Variants in GALNT7 observed in about 807,000 individuals in gnomAD.
GALNT7 encodes the protein polypeptide N-acetylgalactosaminyltransferase 7, also known as N-acetylgalactosaminyltransferase 7.
Under a neutral mutation model 82.1 loss-of-function variants are expected in GALNT7, and 60 were observed. The observed-to-expected ratio is 0.73, with a 90% CI of 0.59 to 0.91. The LOEUF (loss-of-function observed/expected upper bound fraction) is 0.91, where lower values mean the gene tolerates loss of function less well. Among genes scored for constraint, GALNT7 ranks in the 40% least tolerant of loss-of-function variants. The pLI, the probability that GALNT7 is intolerant of heterozygous loss-of-function variation, is 0.00. For synonymous variants in GALNT7, 243 were observed against 275.1 expected (o/e 0.88, Z 1.15); for missense variants, 660 against 804.2 (o/e 0.82, Z 2.17).
chr4:173,173,899 C>T (rs1393887425), intron 1 of GALNT7, among the ~76,000 whole-genome samples: 1 of 152,168 alleles, frequency 6.6e-6, no homozygotes, highest in African/African-American at 2.4e-5. Context: ...AGTGGCTGAA[C>T]TGATTACCCT....
intron 1 of GALNT7, among the ~76,000 whole-genome samples, chr4:173,245,031 A>T (rs999278677): frequency 2.0e-5 from 3 of 152,112 alleles, no homozygotes; most frequent in African/African-American, 7.2e-5. Context: ...GTTGCCTGTA[A>T]GGTTTTGAGT....
At chr4:173,274,532 A>G (rs1735832737) in intron 2 of GALNT7, among the ~76,000 whole-genome samples, 1 of 152,198 alleles carries the variant, frequency 6.6e-6, no homozygotes, top group African/African-American at 2.4e-5. Flanking sequence ...TGCTGCTGTC[A>G]CTAACTGTGT....
intron 8 of GALNT7, among the ~76,000 whole-genome samples, chr4:173,306,043 A>G (rs532542285): frequency 6.6e-6 from 1 of 152,144 alleles, no homozygotes; most frequent in Admixed American, 6.5e-5. Context: ...GTATCTTTCC[A>G]TTTATTTTGT....
chr4:173,241,137 G>A lies in GALNT7; in HGVS notation c.127-6843G>A, dbSNP rs542482823. On this transcript the variant is annotated intron_variant, in intron 1 of 11. Coordinates refer to ENST00000265000, the MANE Select transcript of GALNT7 (RefSeq NM_017423.3). ...TGTAATCCTAGCATTTTGGGAGGCC[G>A]AGGTAGCAAGATTGCTTGATCCCAG... Among the ~76,000 whole-genome samples, 155 of 151,062 alleles carry A rather than the reference G, an allele frequency of 1.0e-3. 1 individual carries two copies. Among genetic ancestry groups the A allele is most frequent in the African/African-American group, 3.6e-3 (148 of 41,132 alleles).
chr4:173,216,860 A>G (rs1489212926), intron 1 of GALNT7, among the ~76,000 whole-genome samples: 2 of 148,934 alleles, frequency 1.3e-5, no homozygotes, highest in East Asian at 4.0e-4. Context: ...CCTCCCGAGT[A>G]GCTGGGACTA....
intron 1 of GALNT7, among the ~76,000 whole-genome samples, chr4:173,237,302 T>C (rs1350224965): frequency 6.6e-6 from 1 of 152,228 alleles, no homozygotes; most frequent in African/African-American, 2.4e-5. Context: ...AGCTGTTATG[T>C]AAGCCATGCT....
At chr4:173,198,478 CCTT>C (rs1732848745) in intron 1 of GALNT7, among the ~76,000 whole-genome samples, 1 of 152,078 alleles carries the variant, frequency 6.6e-6, no homozygotes, top group African/African-American at 2.4e-5. Context: ...CCCAGAGTGT[CCTT>C]CTGTGAGGAG....
At chr4:173,255,141 T>A (rs1734990750) in intron 2 of GALNT7, among the ~76,000 whole-genome samples, 1 of 152,202 alleles carries the variant, frequency 6.6e-6, no homozygotes, top group African/African-American at 2.4e-5. Flanking sequence ...TCAGTGAGGC[T>A]ACAAAAACTG....
chr4:173,217,776 G>C (rs918779260), intron 1 of GALNT7, among the ~76,000 whole-genome samples: 3 of 152,162 alleles, frequency 2.0e-5, no homozygotes, highest in Non-Finnish European at 2.9e-5. Context: ...TCAAACTTCT[G>C]TGCAGACTTG....
intron 1 of GALNT7, among the ~76,000 whole-genome samples, chr4:173,236,945 A>C (rs1336105935): frequency 6.6e-6 from 1 of 152,250 alleles, no homozygotes; most frequent in African/African-American, 2.4e-5. Flanking sequence ...ACTCATGATA[A>C]ACCAGAGTAT....
rs560463212 is a variant in GALNT7, at chr4:173,203,469, A to G, written c.126+34508A>G. 3.3e-5 allele frequency among the ~76,000 whole-genome samples: 5 copies of G among 152,330 alleles called. No individual in the cohort carries two copies. The South Asian group carries it at 1.0e-3, about 32-fold the overall frequency. On this transcript the variant is annotated intron_variant, in intron 1 of 11. Transcript: ENST00000265000. The stretch of plus-strand genomic sequence containing the variant: ...TAATCCATTTACATTCAAAGTAATT[A>G]TTGACAGGTAAGGACTTATTATTGC...
intron 1 of GALNT7, among the ~76,000 whole-genome samples, chr4:173,205,247 G>T (rs1733049797): frequency 1.3e-5 from 2 of 152,094 alleles, no homozygotes; most frequent in African/African-American, 2.4e-5. Flanking sequence ...ACCTTGAGAG[G>T]CTGACCACGT....
At chr4:173,260,339 G>A (rs1296652794) in intron 2 of GALNT7, among the ~76,000 whole-genome samples, 1 of 152,188 alleles carries the variant, frequency 6.6e-6, no homozygotes, top group Non-Finnish European at 1.5e-5. Context: ...TAACCCAGAA[G>A]CAATTCTGTC....
At chr4:173,285,757 G>T (rs572244046) in intron 2 of GALNT7, among the ~76,000 whole-genome samples, 2 of 152,128 alleles carry the variant, frequency 1.3e-5, no homozygotes, top group African/African-American at 4.8e-5. Context: ...GCCCTTTTAC[G>T]AACAGGGGTA....
At chr4:173,258,226 A>C (rs1561176960) in intron 2 of GALNT7, among the ~76,000 whole-genome samples, 2 of 152,160 alleles carry the variant, frequency 1.3e-5, no homozygotes, top group Non-Finnish European at 2.9e-5. Context: ...TCTTGACCTC[A>C]TATCTTCTGT....
chr4:173,191,228 G>T (rs1028273389), intron 1 of GALNT7, among the ~76,000 whole-genome samples: 4 of 136,480 alleles, frequency 2.9e-5, no homozygotes, highest in Admixed American at 7.0e-5. Flanking sequence ...GGGATGGGAT[G>T]GGGGGGGTAC....
At chr4:173,217,030 C>A (rs1381367456) in intron 1 of GALNT7, among the ~76,000 whole-genome samples, 11 of 151,712 alleles carry the variant, frequency 7.3e-5, no homozygotes, top group African/African-American at 2.7e-4. Flanking sequence ...CATGCCTGGC[C>A]CTTATTATAT....
At chr4:173,169,067 A>T (rs1370502261) in intron 1 of GALNT7, 106 bp downstream of exon 1, 1 of 1,116,052 alleles carries the variant, frequency 9.0e-7, no homozygotes, top group Non-Finnish European at 1.2e-6. Flanking sequence ...CGGCGTGGGC[A>T]CCGCAGCTCC....
intron 2 of GALNT7, among the ~76,000 whole-genome samples, chr4:173,262,813 G>A (rs188051357): frequency 3.3e-5 from 5 of 152,106 alleles, no homozygotes; most frequent in African/African-American, 7.2e-5. Context: ...TTCCCATTTC[G>A]TCTCACAGAA....
Sources: allele counts gnomAD v4.1 joint callset (sites outside exome capture counted in the v4.1 genomes callset), GRCh38; gene constraint gnomAD v4.1.1; transcripts MANE v1.5; gene names NCBI Gene and HGNC (gene_info 2026-07-23, HGNC 2026-07-21).